RSPH14: variants seen among roughly 807,000 people sequenced by gnomAD.
RSPH14 encodes the protein rhabdoid tumor deletion region gene 1.
In RSPH14, 20 loss-of-function variants were observed where a neutral mutation model predicts 26.7. The ratio of observed to expected loss-of-function variants is 0.75; its 90% CI spans 0.53 to 1.09. The LOEUF is 1.09. Ranked by LOEUF, RSPH14 falls within the 50% of genes least tolerant of loss-of-function variation. The pLI is 0.00. For synonymous variants in RSPH14, 177 were observed against 189.3 expected (o/e 0.93, Z 0.53); for missense variants, 449 against 457.2 (o/e 0.98, Z 0.16).
At chr22:23,145,957 A>C (rs1382439455), upstream of RSPH14, 2 of 984,932 alleles carry the variant, frequency 2.0e-6, no homozygotes, top group Non-Finnish European at 2.4e-6. Flanking sequence ...CGTCCTTTGC[A>C]GACTGGGAGC....
chr22:23,129,955 A>G (rs1910074456), intron 4 of RSPH14, among the ~76,000 whole-genome samples: 1 of 150,908 alleles, frequency 6.6e-6, no homozygotes, highest in African/African-American at 2.4e-5. Flanking sequence ...AGAAGGAGAA[A>G]GAAAGAGAGA....
At chr22:23,151,414 C>T in the RSPH14 span, among the ~76,000 whole-genome samples, 3 of 152,312 alleles carry the variant, frequency 2.0e-5, no homozygotes, top group East Asian at 3.9e-4. Context: ...AGGGTAGACA[C>T]AATCCCTGCT....
intron 4 of RSPH14, among the ~76,000 whole-genome samples, chr22:23,106,727 G>A (rs1222853224): frequency 6.6e-6 from 1 of 152,366 alleles, no homozygotes; most frequent in African/African-American, 2.4e-5. Context: ...GGGCATGCTG[G>A]TGCACTGCAT....
At chr22:23,160,024 T>C in the RSPH14 span, among the ~76,000 whole-genome samples, 1 of 152,164 alleles carries the variant, frequency 6.6e-6, no homozygotes, top group Non-Finnish European at 1.5e-5. Context: ...TGTTGGGGGA[T>C]GAAATGAAGT....
intron 6 of RSPH14, 66 bp from the exon 7 acceptor site, chr22:23,059,784 C>T: frequency 2.0e-6 from 3 of 1,468,510 alleles, no homozygotes; most frequent in Admixed American, 4.6e-5. Flanking sequence ...CCCTCTCACC[C>T]TAGCCCTCTC....
the RSPH14 span, among the ~76,000 whole-genome samples, chr22:23,152,707 T>C: frequency 6.6e-6 from 1 of 152,192 alleles, no homozygotes; most frequent in African/African-American, 2.4e-5. Context: ...ATGGCAGGGC[T>C]GGGCAGAAAT....
At chr22:23,153,135 G>T in the RSPH14 span, 5 of 1,612,748 alleles carry the variant, frequency 3.1e-6, no homozygotes, top group Non-Finnish European at 4.2e-6. Context: ...GCCTCCAGAT[G>T]TAAGTTGCTG....
chr22:23,140,873 A>C (rs1329742003), intron 1 of RSPH14, among the ~76,000 whole-genome samples: 3 of 152,154 alleles, frequency 2.0e-5, no homozygotes, highest in Non-Finnish European at 4.4e-5. Context: ...TATTATCCAC[A>C]TTTTACAAAT....
At chr22:23,157,316 T>C in the RSPH14 span, among the ~76,000 whole-genome samples, 1 of 151,754 alleles carries the variant, frequency 6.6e-6, no homozygotes, top group African/African-American at 2.4e-5. Flanking sequence ...AGTGGCGCAA[T>C]CTCGGCTCAC....
At chr22:23,147,980 C>T (rs962167031), upstream of RSPH14, among the ~76,000 whole-genome samples, 4 of 152,046 alleles carry the variant, frequency 2.6e-5, no homozygotes, top group Non-Finnish European at 5.9e-5. Context: ...ATATTTCTGG[C>T]AGGATATATA....
chr22:23,145,614 C>A, upstream of RSPH14: 2 of 1,521,880 alleles, frequency 1.3e-6, no homozygotes, highest in Admixed American at 1.8e-5. Context: ...TGGCACATCC[C>A]GAGGCCAGGG....
chr22:23,112,677 T>C (rs2069687762), intron 4 of RSPH14, among the ~76,000 whole-genome samples: 1 of 152,114 alleles, frequency 6.6e-6, no homozygotes, highest in Admixed American at 6.5e-5. Context: ...GGGGTGGGAA[T>C]GGCAAGTGCT....
chr22:23,162,356 C>G, the RSPH14 span: 1 of 318,098 alleles, frequency 3.1e-6, no homozygotes, highest in Non-Finnish European at 6.3e-6. Flanking sequence ...GACTGCACAG[C>G]TGTCCTAGGG....
upstream of RSPH14, among the ~76,000 whole-genome samples, chr22:23,148,506 G>T (rs2070930336): frequency 1.3e-5 from 2 of 152,174 alleles, no homozygotes; most frequent in South Asian, 4.1e-4. Context: ...TGGCTCCAGA[G>T]CACCCTACCC....
rs890293932 is a variant in RSPH14 at position 23,089,323 on chromosome 22, CT to C, written c.422-25191del. On this transcript the variant is annotated intron_variant, in intron 4 of 6. Coordinates refer to ENST00000216036, the MANE Select transcript of RSPH14 (RefSeq NM_014433.3). The stretch of plus-strand genomic sequence containing the variant: ...CTGTGCTGGCTGTTGTGGAGGAGGC[CT>C]TGAGCAAAGCTTTGGGGACAGCCTG... Among the ~76,000 whole-genome samples the C allele has an allele frequency of 5.5e-4, 84 of 152,280 alleles. 3 individuals carry two copies. Among genetic ancestry groups the C allele is most frequent in the African/African-American group, 1.7e-3 (71 of 41,532 alleles).
chr22:23,175,514 G>T, the RSPH14 span, among the ~76,000 whole-genome samples: 1 of 151,572 alleles, frequency 6.6e-6, no homozygotes, highest in Non-Finnish European at 1.5e-5. Flanking sequence ...TAGAGACAGG[G>T]TTTCACCATA....
chr22:23,155,948 CT>C, the RSPH14 span: 1 of 1,601,010 alleles, frequency 6.2e-7, no homozygotes, highest in Non-Finnish European at 8.5e-7. Context: ...ATTTCCCTTT[CT>C]TTCTCACCCA....
At position 23,121,296 on chromosome 22, in the gene RSPH14, T is replaced by C. The variant is rs139835823; in HGVS notation, c.421+12730A>G. ...ACAGTCTTCCAGGTGGAGTGCAGGGTTCCAGGGTAATGACGGGTACCTCTG... is the reference window on the plus strand; with the variant it reads ...ACAGTCTTCCAGGTGGAGTGCAGGGCTCCAGGGTAATGACGGGTACCTCTG... On this transcript the variant is annotated intron_variant, in intron 4 of 6. Coordinates refer to ENST00000216036, the MANE Select transcript of RSPH14 (RefSeq NM_014433.3). 1.2e-3 allele frequency among the ~76,000 whole-genome samples: 189 copies of C among 152,284 alleles called. 3 individuals carry two copies. Among genetic ancestry groups the C allele is most frequent in the African/African-American group, 4.4e-3 (184 of 41,560 alleles).
the RSPH14 span, among the ~76,000 whole-genome samples, chr22:23,168,347 C>G: frequency 6.6e-6 from 1 of 152,152 alleles, no homozygotes; most frequent in Non-Finnish European, 1.5e-5. Context: ...TGCAGAGAGA[C>G]ACAGCAACCA....
Sources: allele counts gnomAD v4.1 joint callset (sites outside exome capture counted in the v4.1 genomes callset), GRCh38; gene constraint gnomAD v4.1.1; transcripts MANE v1.5; gene names NCBI Gene and HGNC (gene_info 2026-07-23, HGNC 2026-07-21).